Variants in QSER1 observed in about 807,000 individuals in gnomAD.
QSER1 encodes glutamine and serine rich 1, also known as glutamine and serine-rich protein 1.
A neutral mutation model predicts 158.5 loss-of-function variants in QSER1; 49 were observed. The ratio of observed to expected loss-of-function variants is 0.31; its 90% confidence interval spans 0.25 to 0.39. QSER1 has a LOEUF of 0.39. QSER1 is among the 10% of genes least tolerant of loss of function. The pLI is 1.00. For missense variants in QSER1, 1,754 were observed against 2,010.3 expected (o/e 0.87, Z 2.44); for synonymous variants, 650 against 715.5 (o/e 0.91, Z 1.46).
At chr11:32,904,910 T>C (rs894395917) in intron 1 of QSER1, among the ~76,000 whole-genome samples, 7 of 152,230 alleles carry the variant, frequency 4.6e-5, no homozygotes, top group Non-Finnish European at 8.8e-5. Flanking sequence ...GTAGTCTCTG[T>C]CCTTTAGCTT....
chr11:32,923,386 C>CTA (rs1460878302), intron 1 of QSER1, among the ~76,000 whole-genome samples: 3 of 152,082 alleles, frequency 2.0e-5, no homozygotes, highest in Non-Finnish European at 2.9e-5. Flanking sequence ...AAAACACACA[C>CTA]TAGAGGGCTG....
intron 1 of QSER1, among the ~76,000 whole-genome samples, chr11:32,903,785 T>TA (rs1851654848): frequency 6.6e-6 from 1 of 152,102 alleles, no homozygotes; most frequent in Non-Finnish European, 1.5e-5. Context: ...CTAATTTTTG[T>TA]ATTTTTAGTA....
At chr11:32,955,245 C>A in intron 5 of QSER1, 51 bp from the exon 6 acceptor site, 1 of 1,009,446 alleles carries the variant, frequency 9.9e-7, no homozygotes, top group Non-Finnish European at 1.5e-6. Context: ...ATTCTAAGAT[C>A]TAAAATATGT....
chr11:32,974,583 T>G (rs998383281), intron 11 of QSER1, among the ~76,000 whole-genome samples: 2 of 152,242 alleles, frequency 1.3e-5, no homozygotes, highest in African/African-American at 4.8e-5. Context: ...TACTACGTGC[T>G]TTTTATAAAG....
intron 10 of QSER1, among the ~76,000 whole-genome samples, chr11:32,971,961 G>A (rs1425764027): frequency 6.6e-6 from 1 of 151,674 alleles, no homozygotes; most frequent in Admixed American, 6.6e-5. Flanking sequence ...TACTCGGGAG[G>A]CTGAGGCAGG....
Position 32,976,531 on chromosome 11 carries a change from G to T in QSER1, c.*57G>T. Reference sequence around the variant, plus strand: ...ACTAATGAAATGGCAGATATGGGGTGGTCAAAGATAATCAGATGTCAAGTA... The same window carrying T: ...ACTAATGAAATGGCAGATATGGGGTTGTCAAAGATAATCAGATGTCAAGTA... On this transcript the variant is annotated 3_prime_UTR_variant, in exon 13 of 13. Transcript: ENST00000650167. 3 of 1,574,914 alleles carry T rather than the reference G, an allele frequency of 1.9e-6. No homozygotes were observed. Among genetic ancestry groups the T allele is most frequent in the South Asian group, 1.2e-5 (1 of 86,034 alleles).
intron 4 of QSER1, among the ~76,000 whole-genome samples, chr11:32,937,398 C>T (rs550008467): frequency 6.6e-6 from 1 of 152,164 alleles, no homozygotes; most frequent in Non-Finnish European, 1.5e-5. Context: ...AATCTTCCTT[C>T]CTCAGCCTCC....
chr11:32,933,222 C>A lies in QSER1; in HGVS notation c.1964C>A (p.Ser655Tyr), dbSNP rs202180270. The A allele has an allele frequency of 5.6e-6, 9 of 1,613,850 alleles. No individual in the cohort carries two copies. Among genetic ancestry groups the A allele is most frequent in the African/African-American group, 1.3e-5 (1 of 74,912 alleles). The change falls in exon 4 of 13, where the codon TCC (serine) becomes TAC (tyrosine). Residue 655 changes from serine (S) to tyrosine (Y), a missense_variant. Ser to Tyr is a moderately radical substitution (Grantham distance 144). This residue lies in a region of QSER1 where 1,707 missense variants were observed against 1,919.6 expected (regional missense o/e 0.89). Coordinates refer to ENST00000650167, the MANE Select transcript of QSER1 (RefSeq NM_001076786.3). ...GCTGTCCAGTCATCATCTTTTGCAT[C>A]CTCTACTCATTGTCAGACATTACAA... is the stretch of plus-strand genomic sequence containing the variant. ...LPAVQSSSFA[S>Y]STHCQTLQNN...
chr11:32,945,366 G>A (rs1356390773), intron 4 of QSER1, among the ~76,000 whole-genome samples: 21 of 151,644 alleles, frequency 1.4e-4, no homozygotes, highest in South Asian at 4.2e-4. Context: ...ATTTTGCAGC[G>A]GCTGGTACCG....
chr11:32,922,479 ATTTTTTTTT>A (rs57185302), intron 1 of QSER1, among the ~76,000 whole-genome samples: 2 of 97,150 alleles, frequency 2.1e-5, no homozygotes, highest in Non-Finnish European at 4.1e-5. Flanking sequence ...AGAATGGCTA[ATTTTTTTTT>A]TTTTTTTTTT....
chr11:32,938,538 T>C (rs1248304865), intron 4 of QSER1, among the ~76,000 whole-genome samples: 1 of 152,196 alleles, frequency 6.6e-6, no homozygotes, highest in Non-Finnish European at 1.5e-5. Context: ...CCATGGTAAA[T>C]AACTTAAACG....
At chr11:32,916,458 T>C (rs1851831797) in intron 1 of QSER1, among the ~76,000 whole-genome samples, 1 of 152,158 alleles carries the variant, frequency 6.6e-6, no homozygotes, top group Non-Finnish European at 1.5e-5. Flanking sequence ...TATATAGCCA[T>C]GCATCACCTG....
intron 9 of QSER1, 150 bp downstream of exon 9, chr11:32,966,587 G>T: frequency 1.5e-6 from 1 of 650,946 alleles, no homozygotes; most frequent in African/African-American, 1.9e-5. Flanking sequence ...TCCATAAAAT[G>T]GTCATATCTT....
chr11:32,974,903 T>A (rs1852945345), intron 11 of QSER1, among the ~76,000 whole-genome samples: 1 of 152,152 alleles, frequency 6.6e-6, no homozygotes, highest in African/African-American at 2.4e-5. Flanking sequence ...GGGGAAAACA[T>A]TAAAAAATAT....
intron 1 of QSER1, among the ~76,000 whole-genome samples, chr11:32,917,238 G>A (rs963852818): frequency 2.6e-5 from 4 of 152,116 alleles, no homozygotes; most frequent in Admixed American, 6.5e-5. Context: ...ACTACATCAC[G>A]TTTTGTTTAT....
In QSER1 at chr11:32,969,141, A is replaced by G; in HGVS notation, c.5203A>G (p.Lys1735Glu). The G allele has an allele frequency of 6.4e-7, 1 of 1,567,072 alleles. No individual in the cohort carries two copies. Among genetic ancestry groups the G allele is most frequent in the Non-Finnish European group, 8.7e-7 (1 of 1,146,368 alleles). ...GAATCTTCATTTGGATCAATCATTC[A>G]AGGTATTTCCTTCTGATGACTTATT... Reference protein sequence around the residue: ...LLNLHLDQSFKNALESFPELT... With the variant: ...LLNLHLDQSFENALESFPELT... Residue 1735 changes from lysine (K) to glutamate (E), a missense_variant and splice_region_variant, in exon 10 of 13, where the codon AAG (lysine) becomes GAG (glutamate). Around this residue, in one of 2 missense-constraint regions of QSER1, gnomAD observed 1,707 missense variants for 1,919.6 expected, o/e 0.89. Transcript: ENST00000650167.
At chr11:32,927,549 A>G (rs1202102839) in intron 2 of QSER1, among the ~76,000 whole-genome samples, 3 of 152,148 alleles carry the variant, frequency 2.0e-5, no homozygotes, top group African/African-American at 7.2e-5. Flanking sequence ...CTGGGACTAC[A>G]GGCACCTGCC....
At chr11:32,928,261 A>AAAATT in intron 3 of QSER1, 138 bp downstream of exon 3, 1 of 612,124 alleles carries the variant, frequency 1.6e-6, no homozygotes, top group Non-Finnish European at 2.9e-6. Context: ...GGAATTTTTC[A>AAAATT]AAATTTTCAG....
intron 1 of QSER1, among the ~76,000 whole-genome samples, chr11:32,921,013 G>T (rs527749197): frequency 6.6e-6 from 1 of 152,250 alleles, no homozygotes; most frequent in Non-Finnish European, 1.5e-5. Flanking sequence ...ATACCCAAGA[G>T]AAATTAAAAC....
Sources: allele counts gnomAD v4.1 joint callset (sites outside exome capture counted in the v4.1 genomes callset), GRCh38; gene constraint gnomAD v4.1.1; regional missense constraint gnomAD v4.1.1; transcripts MANE v1.5; gene names NCBI Gene and HGNC (gene_info 2026-07-23, HGNC 2026-07-21).